The following SH3BGRL variants were observed in gnomAD, a reference collection of about 807,000 sequenced individuals.
SH3BGRL encodes the protein SH3 domain binding glutamate rich protein like, also known as adapter SH3BGRL.
A neutral mutation model predicts 9.8 loss-of-function variants in SH3BGRL; 7 were observed. The observed-to-expected ratio is 0.72, with a 90% CI of 0.41 to 1.35. The LOEUF (loss-of-function observed/expected upper bound fraction) is 1.35, where lower values mean the gene tolerates loss of function less well. SH3BGRL is among the 40% of genes most tolerant of loss of function. The pLI, the probability that SH3BGRL is intolerant of heterozygous loss-of-function variation, is 0.01. For missense variants in SH3BGRL, 73 were observed against 84.4 expected, an observed-to-expected ratio of 0.86 and a Z score of 0.53; for synonymous variants, 36 against 29.1, an observed-to-expected ratio of 1.24 and a Z score of -0.76.
chrX:81,204,697 C>T (rs2075540495), intron 1 of SH3BGRL, among the ~76,000 whole-genome samples: 1 of 111,211 alleles, frequency 9.0e-6, no homozygotes, highest in Admixed American at 9.6e-5. Context: ...TGGCGGGCGC[C>T]TGCAGTCCCA....
In SH3BGRL at chrX:81,297,411, T is replaced by G. The variant is rs1361204960; in HGVS notation, c.*184T>G. 2.6e-6 allele frequency: 1 copy of G among 389,099 alleles called. No individual in the cohort carries two copies. The highest frequency in any genetic ancestry group is 4.5e-6 in the Non-Finnish European group (1 of 222,434). The allele number at this position is 389,099 out of a possible 1,213,427, so 32.1% of individuals were successfully genotyped here. ...AATTTGAACATTATGGTGATTATGG[T>G]GAGGAGAATGGGATATTAACATAAA... On this transcript the variant is annotated 3_prime_UTR_variant, in exon 4 of 4. Coordinates refer to ENST00000373212, the MANE Select transcript of SH3BGRL (RefSeq NM_003022.3).
At chrX:81,263,897 A>G (rs1023922090) in intron 1 of SH3BGRL, among the ~76,000 whole-genome samples, 2 of 109,479 alleles carry the variant, frequency 1.8e-5, no homozygotes, top group African/African-American at 6.7e-5. Context: ...ACTCAAAACT[A>G]TTAGGTAACT....
intron 1 of SH3BGRL, among the ~76,000 whole-genome samples, chrX:81,225,571 G>C (rs867521684): frequency 9.0e-6 from 1 of 111,624 alleles, no homozygotes; most frequent in Non-Finnish European, 1.9e-5. Flanking sequence ...CCATGTTACT[G>C]CAGAGGACAT....
At chrX:81,251,706 T>C (rs1277952995) in intron 1 of SH3BGRL, among the ~76,000 whole-genome samples, 1 of 112,137 alleles carries the variant, frequency 8.9e-6, no homozygotes. Context: ...AATGTCCCAC[T>C]AAACTTTAAA....
chrX:81,264,412 T>G (rs928210497), intron 1 of SH3BGRL, among the ~76,000 whole-genome samples: 3 of 111,665 alleles, frequency 2.7e-5, no homozygotes, highest in African/African-American at 9.8e-5. Context: ...TGCCGTGAAA[T>G]GGATAGCCAC....
chrX:81,236,883 G>A (rs1036582675), intron 1 of SH3BGRL, among the ~76,000 whole-genome samples: 31 of 102,145 alleles, frequency 3.0e-4, no homozygotes, highest in African/African-American at 1.0e-3. Flanking sequence ...AGGACGGAGG[G>A]AGAGAGAGAG....
chrX:81,211,453 G>C (rs750154851), intron 1 of SH3BGRL, among the ~76,000 whole-genome samples: 1 of 111,265 alleles, frequency 9.0e-6, no homozygotes, highest in Admixed American at 9.5e-5. Context: ...CGGGCGTGGT[G>C]GCGGGCGCCT....
intron 3 of SH3BGRL, among the ~76,000 whole-genome samples, chrX:81,289,765 C>G (rs1172350985): frequency 1.3e-4 from 14 of 111,075 alleles, no homozygotes; most frequent in Admixed American, 9.6e-5. Flanking sequence ...AGCTGAGACA[C>G]GAAAATCACT....
chrX:81,227,062 T>C (rs2075619394), intron 1 of SH3BGRL, among the ~76,000 whole-genome samples: 1 of 112,315 alleles, frequency 8.9e-6, no homozygotes, highest in Non-Finnish European at 1.9e-5. Context: ...TTAAGTAAGG[T>C]TGAGCTTAAC....
chrX:81,246,743 G>A (rs1232372258), intron 1 of SH3BGRL, among the ~76,000 whole-genome samples: 2 of 111,079 alleles, frequency 1.8e-5, no homozygotes, highest in African/African-American at 3.3e-5. Context: ...CAGATAATGC[G>A]ACGCTTCTGG....
chrX:81,235,380 C>A (rs770165146), intron 1 of SH3BGRL, among the ~76,000 whole-genome samples: 1 of 109,943 alleles, frequency 9.1e-6, no homozygotes. Flanking sequence ...GAAAAAGGGT[C>A]AGAGAATTTG....
At chrX:81,271,467 C>T (rs1047289864) in intron 1 of SH3BGRL, among the ~76,000 whole-genome samples, 5 of 112,009 alleles carry the variant, frequency 4.5e-5, no homozygotes, top group African/African-American at 9.7e-5. Context: ...ACATCTGTCA[C>T]GAGAACTCTA....
chrX:81,251,789 C>A (rs181819571), intron 1 of SH3BGRL, among the ~76,000 whole-genome samples: 36 of 112,083 alleles, frequency 3.2e-4, no homozygotes, highest in African/African-American at 1.2e-3. Context: ...CAGAACTAAC[C>A]TACAGGATAT....
intron 3 of SH3BGRL, among the ~76,000 whole-genome samples, chrX:81,279,598 A>T (rs1448806258): frequency 9.0e-6 from 1 of 111,115 alleles, no homozygotes; most frequent in Non-Finnish European, 1.9e-5. Context: ...TTGCGGGAGA[A>T]GTTTCCAACT....
At chrX:81,256,759 T>C (rs776986492) in intron 1 of SH3BGRL, among the ~76,000 whole-genome samples, 2 of 112,513 alleles carry the variant, frequency 1.8e-5, no homozygotes, top group Non-Finnish European at 3.8e-5. Context: ...TCCCTATTTG[T>C]TGTTTCTATT....
At chrX:81,274,468 G>A (rs1316106861) in intron 1 of SH3BGRL, among the ~76,000 whole-genome samples, 2 of 110,156 alleles carry the variant, frequency 1.8e-5, no homozygotes, top group South Asian at 3.9e-4. Context: ...AAAATTAGCC[G>A]GGTTTGGTGG....
intron 3 of SH3BGRL, among the ~76,000 whole-genome samples, chrX:81,281,046 T>C (rs751910971): frequency 9.0e-6 from 1 of 110,674 alleles, no homozygotes; most frequent in African/African-American, 3.3e-5. Context: ...GTCTCAGCAA[T>C]AGAATTGAAC....
At chrX:81,238,350 T>G (rs1470965762) in intron 1 of SH3BGRL, among the ~76,000 whole-genome samples, 2 of 112,208 alleles carry the variant, frequency 1.8e-5, no homozygotes, top group African/African-American at 6.5e-5. Flanking sequence ...TTGACAGCAG[T>G]CTGGCAGTAC....
At chrX:81,225,870 T>G (rs2075615221) in intron 1 of SH3BGRL, among the ~76,000 whole-genome samples, 1 of 112,068 alleles carries the variant, frequency 8.9e-6, no homozygotes, top group Non-Finnish European at 1.9e-5. Context: ...AGTACATTAT[T>G]TCTTCTTCTG....
Sources: gnomAD v4.1 joint callset for allele counts (sites outside exome capture counted in the v4.1 genomes callset) on GRCh38, gnomAD v4.1.1 for gene constraint, MANE v1.5 for transcripts, NCBI Gene and HGNC (gene_info 2026-07-23, HGNC 2026-07-21) for gene names.